POLD1: variants seen among roughly 807,000 people sequenced by gnomAD.
POLD1 encodes DNA polymerase delta catalytic subunit.
In POLD1, 79 loss-of-function variants were observed where a neutral mutation model predicts 129.7. The observed-to-expected ratio is 0.61, with a 90% CI of 0.51 to 0.73. POLD1 has a LOEUF of 0.73. Ranked by LOEUF, POLD1 falls within the 30% of genes least tolerant of loss-of-function variation. The pLI is 0.00. For missense variants in POLD1, 1,338 were observed against 1,595.8 expected, an observed-to-expected ratio of 0.84 and a Z score of 2.75; for synonymous variants, 714 against 683.3, an observed-to-expected ratio of 1.04 and a Z score of -0.70.
chr19:50,405,017 G>A (rs1341661151), intron 10 of POLD1, among the ~76,000 whole-genome samples: 4 of 147,498 alleles, frequency 2.7e-5, no homozygotes, highest in East Asian at 2.1e-4. Flanking sequence ...TGCCCACTTC[G>A]GCCTCCCAAA....
chr19:50,400,522 ATTTTT>A (rs1016107364), intron 3 of POLD1, among the ~76,000 whole-genome samples: 2 of 63,518 alleles, frequency 3.1e-5, no homozygotes, highest in Admixed American at 1.7e-4. Context: ...TGCCCCGCCT[ATTTTT>A]TTTTTTTTTT....
In POLD1 at chr19:50,408,694, T is replaced by C. The variant is rs2122363440; in HGVS notation, c.1776-91T>C. ...ACTGCTCCCAGCCAATGAATGATTTTTTTTTTTTAAAGGGTGAGGCCACAA... is the reference window on the plus strand; with the variant it reads ...ACTGCTCCCAGCCAATGAATGATTTCTTTTTTTTAAAGGGTGAGGCCACAA... On this transcript the variant is annotated intron_variant, in intron 14 of 26. Transcript: ENST00000440232. 7.8e-6 allele frequency: 12 copies of C among 1,546,018 alleles called. No individual in the cohort carries two copies. Among genetic ancestry groups the C allele is most frequent in the Non-Finnish European group, 1.0e-5 (12 of 1,147,754 alleles).
intron 22 of POLD1, 47 bp downstream of exon 22, chr19:50,415,873 A>G (rs890041148): frequency 3.0e-6 from 4 of 1,319,906 alleles, no homozygotes; most frequent in Non-Finnish European, 4.1e-6. Context: ...CCTCGCTCTC[A>G]CTTCTGCTTT....
chr19:50,408,061 G>A (rs552026174), intron 14 of POLD1, among the ~76,000 whole-genome samples: 3 of 151,104 alleles, frequency 2.0e-5, no homozygotes, highest in South Asian at 2.1e-4. Flanking sequence ...GGCCAGGCAC[G>A]GTGGCTCACC....
intron 1 of POLD1, among the ~76,000 whole-genome samples, chr19:50,392,908 TTCCC>T: frequency 6.6e-6 from 1 of 152,256 alleles, no homozygotes; most frequent in African/African-American, 2.4e-5. Context: ...TTTGAGAACC[TTCCC>T]TATCAGTACA....
Position 50,412,588 on chromosome 19 carries a change from T to C in POLD1, c.2155-838T>C, listed in dbSNP as rs550125049. Among the ~76,000 whole-genome samples the C allele has an allele frequency of 8.5e-5, 13 of 152,284 alleles. No homozygotes were observed. In the South Asian group the frequency reaches 2.7e-3, roughly 32 times the overall value. On this transcript the variant is annotated intron_variant, in intron 17 of 26. Transcript: ENST00000440232. ...GTAGACGTAAGCCCAGCTATATCAG[T>C]AATTACACTAAATGTAAATGGACAA...
intron 7 of POLD1, 36 bp downstream of exon 7, chr19:50,402,571 C>T (rs2122253379): frequency 6.4e-7 from 1 of 1,574,430 alleles, no homozygotes; most frequent in East Asian, 2.3e-5. Flanking sequence ...GGGTGGGGAG[C>T]TGGTACCCTG....
chr19:50,395,920 C>G (rs79914151), intron 1 of POLD1, among the ~76,000 whole-genome samples: 1,322 of 99,786 alleles, frequency 0.013, 18 homozygotes, highest in African/African-American at 0.046. Flanking sequence ...GTATTGCCAT[C>G]TTGTCCAGTC....
At chr19:50,392,778 G>T (rs979407517) in intron 1 of POLD1, among the ~76,000 whole-genome samples, 2 of 152,220 alleles carry the variant, frequency 1.3e-5, no homozygotes, top group Non-Finnish European at 2.9e-5. Context: ...CACCCAGGCT[G>T]TTTGTTTCTT....
At chr19:50,415,991 C>T (rs2039273983) in intron 22 of POLD1, 165 bp downstream of exon 22, 2 of 604,088 alleles carry the variant, frequency 3.3e-6, no homozygotes, top group South Asian at 2.0e-5. Flanking sequence ...CTCTGGAGGT[C>T]CCCCCTCTAT....
At chr19:50,417,690 CGTGCCTGCTGAGCAAACAGCCCG>C in intron 26 of POLD1, 129 bp from the exon 27 acceptor site, 2 of 422,738 alleles carry the variant, frequency 4.7e-6, no homozygotes, top group South Asian at 2.2e-5. Context: ...CCACCCCCCC[CGTGCCTGCTGAGCAAACAGCCCG>C]CTGCGGGAGG....
intron 19 of POLD1, 87 bp from the exon 20 acceptor site, chr19:50,414,728 C>G (rs2039210572): frequency 8.8e-7 from 1 of 1,129,988 alleles, no homozygotes; most frequent in East Asian, 2.7e-5. Flanking sequence ...CGTCTGGGAC[C>G]CTGTCTACCT....
Position 50,385,132 on chromosome 19 carries a change from G to A in POLD1, c.-2+742G>A, listed in dbSNP as rs76452823. Among the ~76,000 whole-genome samples, 1,200 of 152,282 alleles carry A rather than the reference G, an allele frequency of 7.9e-3. 17 individuals carry two copies. The highest frequency in any genetic ancestry group is 0.028 in the African/African-American group (1,151 of 41,554). ...GAGGGTTTGAGCGTGGAAACAACAC[G>A]ATTCGCCCCATGTTTTGAAAAACTC... On this transcript the variant is annotated intron_variant, in intron 1 of 26. Transcript: ENST00000440232.
chr19:50,407,553 A>AC (rs1460407862), intron 14 of POLD1, 138 bp downstream of exon 14: 1 of 409,094 alleles, frequency 2.4e-6, no homozygotes. Context: ...TTTTATTTTT[A>AC]TTTATTTTTA....
chr19:50,413,648 G>C (rs1288182064), intron 18 of POLD1, 94 bp from the exon 19 acceptor site: 1 of 1,542,596 alleles, frequency 6.5e-7, no homozygotes, highest in Non-Finnish European at 8.8e-7. Context: ...GCATCCTTGG[G>C]TCCCGTTGGC....
At chr19:50,416,288 CAGCCCGCAGGCAGGCCTAGGCCCTA>C (rs1321226504) in intron 22 of POLD1, 83 bp from the exon 23 acceptor site, 1 of 1,201,938 alleles carries the variant, frequency 8.3e-7, no homozygotes. Context: ...CCCCATGTCA[CAGCCCGCAGGCAGGCCTAGGCCCTA>C]AGCCCCAGGC....
At position 50,400,211 on chromosome 19, in the gene POLD1, ATTTTTTTTTTTTTT is replaced by A. The variant is rs549820323; in HGVS notation, c.316+740_316+753del. 1.5e-4 allele frequency among the ~76,000 whole-genome samples: 10 copies of A among 67,816 alleles called. No individual in the cohort carries two copies. In the East Asian group the frequency reaches 3.7e-3, roughly 25 times the overall value. The allele number at this position is 67,816 out of a possible 152,430, so 44.5% of individuals were successfully genotyped here. ...CAGGCTGGAGTGCACCTGGCCAATAATTTTTTTTTTTTTTTTTTTTTTTTTTAAGATGGAGTCTT... is the reference window on the plus strand; with the variant it reads ...CAGGCTGGAGTGCACCTGGCCAATAATTTTTTTTTTTTAAGATGGAGTCTT... On this transcript the variant is annotated intron_variant, in intron 3 of 26. Coordinates refer to ENST00000440232, the MANE Select transcript of POLD1 (RefSeq NM_002691.4).
intron 1 of POLD1, among the ~76,000 whole-genome samples, chr19:50,389,962 G>A (rs1003792106): frequency 2.7e-5 from 4 of 149,962 alleles, no homozygotes; most frequent in African/African-American, 7.4e-5. Flanking sequence ...AGGCTGGAGT[G>A]CAGTGGTGCG....
intron 8 of POLD1, 104 bp from the exon 9 acceptor site, chr19:50,402,949 C>T (rs560580079): frequency 7.0e-6 from 10 of 1,434,110 alleles, no homozygotes; most frequent in Middle Eastern, 2.2e-4. Flanking sequence ...CACGTAGGGC[C>T]GGCAGGCAGC....
Sources: allele counts gnomAD v4.1 joint callset (sites outside exome capture counted in the v4.1 genomes callset), GRCh38; gene constraint gnomAD v4.1.1; transcripts MANE v1.5; gene names NCBI Gene and HGNC (gene_info 2026-07-23, HGNC 2026-07-21).